The following ELOVL5 variants were observed in gnomAD, a reference collection of about 807,000 sequenced individuals.
ELOVL5 encodes very long chain fatty acid elongase 5.
A neutral mutation model predicts 38.6 loss-of-function variants in ELOVL5; 8 were observed. The ratio of observed to expected loss-of-function variants is 0.21; its 90% confidence interval spans 0.12 to 0.37. The LOEUF is 0.37. Ranked by LOEUF, ELOVL5 falls within the 10% of genes least tolerant of loss-of-function variation. ELOVL5 has a pLI of 1.00. For missense variants in ELOVL5, 280 were observed against 367.8 expected, an observed-to-expected ratio of 0.76 and a Z score of 1.95; for synonymous variants, 127 against 133.7, an observed-to-expected ratio of 0.95 and a Z score of 0.34.
chr6:53,325,090 A>G (rs531987869), intron 1 of ELOVL5, among the ~76,000 whole-genome samples: 126 of 152,184 alleles, frequency 8.3e-4, no homozygotes, highest in Non-Finnish European at 1.5e-3. Context: ...ACTCTGCCCA[A>G]CACCCTAGGT....
intron 1 of ELOVL5, among the ~76,000 whole-genome samples, chr6:53,306,614 A>C (rs1348511165): frequency 6.6e-6 from 1 of 152,176 alleles, no homozygotes; most frequent in Non-Finnish European, 1.5e-5. Context: ...AGAAATGTAC[A>C]GTCAAGTTCA....
chr6:53,335,510 C>T (rs1769016982), intron 1 of ELOVL5, among the ~76,000 whole-genome samples: 1 of 152,124 alleles, frequency 6.6e-6, no homozygotes, highest in Non-Finnish European at 1.5e-5. Flanking sequence ...CCCACCCCAC[C>T]AGTCTGATTT....
intron 3 of ELOVL5, among the ~76,000 whole-genome samples, chr6:53,284,314 T>TAA (rs139076867): frequency 1.0e-3 from 139 of 138,898 alleles, no homozygotes; most frequent in African/African-American, 2.2e-3. Context: ...TTTTTTTTTT[T>TAA]AAAAAAAAAG....
intron 1 of ELOVL5, among the ~76,000 whole-genome samples, chr6:53,344,229 A>T (rs186401541): frequency 6.6e-6 from 1 of 152,308 alleles, no homozygotes; most frequent in African/African-American, 2.4e-5. Context: ...TTTCCATCTG[A>T]TCACAAAGCT....
rs530970734 is a variant in ELOVL5, at chr6:53,305,417, G to A, written c.-8-9710C>T. ...CTCCCTCCCGGGCGGGGTGGCTGCC[G>A]GGCGGAGACGCTCCTCACTTCCCAG... is the stretch of plus-strand genomic sequence containing the variant. On this transcript the variant is annotated intron_variant, in intron 1 of 7. Coordinates refer to ENST00000304434, the MANE Select transcript of ELOVL5 (RefSeq NM_021814.5). Among the ~76,000 whole-genome samples the A allele has an allele frequency of 2.2e-3, 333 of 150,040 alleles. 2 individuals are homozygous for A. The highest frequency in any genetic ancestry group is 7.8e-3 in the African/African-American group (314 of 40,230).
chr6:53,324,672 C>CAAAAAAAAAAAAAAAAAAAAAAAAAA (rs200304234), intron 1 of ELOVL5, among the ~76,000 whole-genome samples: 1 of 80,382 alleles, frequency 1.2e-5, no homozygotes, highest in Non-Finnish European at 2.1e-5. Flanking sequence ...GAGATCCTGT[C>CAAAAAAAAAAAAAAAAAAAAAAAAAA]AAAAAAAAAA....
chr6:53,270,264 A>G (rs918009136), intron 7 of ELOVL5, among the ~76,000 whole-genome samples: 1 of 152,268 alleles, frequency 6.6e-6, no homozygotes, highest in South Asian at 2.1e-4. Flanking sequence ...CATGACGTTC[A>G]GGGTAGTGAA....
At chr6:53,286,227 T>C (rs539081100) in intron 3 of ELOVL5, among the ~76,000 whole-genome samples, 1 of 152,178 alleles carries the variant, frequency 6.6e-6, no homozygotes, top group Non-Finnish European at 1.5e-5. Flanking sequence ...AGGAGATATG[T>C]CTAAGAAGAT....
intron 1 of ELOVL5, among the ~76,000 whole-genome samples, chr6:53,341,195 C>T (rs978461230): frequency 1.8e-4 from 28 of 152,196 alleles, no homozygotes; most frequent in Admixed American, 8.5e-4. Context: ...AAGAAACAAA[C>T]GGTCACCCTT....
intron 3 of ELOVL5, chr6:53,287,964 CCT>C: frequency 6.5e-7 from 1 of 1,532,430 alleles, no homozygotes; most frequent in Non-Finnish European, 8.7e-7. Context: ...ACAATTAGAT[CCT>C]CTCTGCTTAG....
chr6:53,275,317 C>G (rs1306063587), intron 4 of ELOVL5, 56 bp from the exon 5 acceptor site: 2 of 1,552,972 alleles, frequency 1.3e-6, no homozygotes, highest in Admixed American at 3.4e-5. Context: ...TCTGGAATAT[C>G]ACCTCTGACA....
At chr6:53,300,798 G>A (rs1767219639) in intron 1 of ELOVL5, among the ~76,000 whole-genome samples, 5 of 152,214 alleles carry the variant, frequency 3.3e-5, no homozygotes, top group African/African-American at 1.2e-4. Flanking sequence ...GCTTTCTTGA[G>A]ACCTTTCAGA....
chr6:53,335,947 A>G (rs1052351533), intron 1 of ELOVL5, among the ~76,000 whole-genome samples: 1 of 152,158 alleles, frequency 6.6e-6, no homozygotes, highest in Non-Finnish European at 1.5e-5. Flanking sequence ...ATGAGCAAGG[A>G]ATTTACGCAG....
intron 1 of ELOVL5, among the ~76,000 whole-genome samples, chr6:53,319,589 T>C (rs1019006373): frequency 1.5e-4 from 23 of 152,202 alleles, no homozygotes; most frequent in Non-Finnish European, 1.5e-5. Context: ...AAAATGTATA[T>C]GGATGTTGGC....
chr6:53,303,502 G>A (rs1767347523), intron 1 of ELOVL5, among the ~76,000 whole-genome samples: 1 of 152,092 alleles, frequency 6.6e-6, no homozygotes, highest in African/African-American at 2.4e-5. Flanking sequence ...GTAATTCTCT[G>A]ATAAAGTCAT....
At chr6:53,294,154 A>ATC in intron 2 of ELOVL5, 1 of 1,416,826 alleles carries the variant, frequency 7.1e-7, no homozygotes, top group Non-Finnish European at 9.3e-7. Context: ...ATCTTTCCAA[A>ATC]TTGGCACATA....
chr6:53,335,661 A>G (rs2127593042), intron 1 of ELOVL5, among the ~76,000 whole-genome samples: 1 of 152,248 alleles, frequency 6.6e-6, no homozygotes, highest in African/African-American at 2.4e-5. Flanking sequence ...GGTCTCGTCT[A>G]CCACCCATGG....
intron 7 of ELOVL5, 60 bp from the exon 8 acceptor site, chr6:53,269,330 T>G (rs1581913318): frequency 7.2e-7 from 1 of 1,397,762 alleles, no homozygotes; most frequent in East Asian, 2.4e-5. Context: ...TAGGGAACTT[T>G]ACTGAGAATT....
At chr6:53,292,681 C>T (rs180967120) in intron 2 of ELOVL5, among the ~76,000 whole-genome samples, 1 of 152,316 alleles carries the variant, frequency 6.6e-6, no homozygotes, top group Admixed American at 6.5e-5. Context: ...ATCCCAGCTA[C>T]TTGGGAGGCT....
Sources: gnomAD v4.1 joint callset for allele counts (sites outside exome capture counted in the v4.1 genomes callset) on GRCh38, gnomAD v4.1.1 for gene constraint, MANE v1.5 for transcripts, NCBI Gene and HGNC (gene_info 2026-07-23, HGNC 2026-07-21) for gene names.